The following CFAP299 variants were observed in gnomAD, a reference collection of about 807,000 sequenced individuals.
CFAP299 encodes the protein cilia- and flagella-associated protein 299.
CFAP299 carries 21 observed loss-of-function variants against 27.0 expected under a neutral mutation model. That is an observed-to-expected ratio of 0.78 (90% confidence interval 0.55 to 1.12). The LOEUF is 1.12. CFAP299 is among the 50% of genes most tolerant of loss of function. The pLI, the probability that CFAP299 is intolerant of heterozygous loss-of-function variation, is 0.00. For missense variants in CFAP299, 310 were observed against 276.6 expected, an observed-to-expected ratio of 1.12 and a Z score of -0.86; for synonymous variants, 104 against 98.1, an observed-to-expected ratio of 1.06 and a Z score of -0.36.
At chr4:80,846,875 C>T (rs1214605616) in intron 3 of CFAP299, among the ~76,000 whole-genome samples, 3 of 152,104 alleles carry the variant, frequency 2.0e-5, no homozygotes, top group Middle Eastern at 3.2e-3. Flanking sequence ...CCTATCTGCC[C>T]GCTACTGAGA....
At chr4:80,799,376 A>G (rs1477733923) in intron 3 of CFAP299, among the ~76,000 whole-genome samples, 4 of 94,920 alleles carry the variant, frequency 4.2e-5, no homozygotes, top group African/African-American at 1.8e-4. Flanking sequence ...TTATATATAT[A>G]AATGTATTTA....
chr4:80,605,701 CT>C (rs1452948182), intron 3 of CFAP299, among the ~76,000 whole-genome samples: 1 of 152,064 alleles, frequency 6.6e-6, no homozygotes, highest in Non-Finnish European at 1.5e-5. Flanking sequence ...GTCATGGTAG[CT>C]TTTGTTCTTT....
In CFAP299 at chr4:80,339,320, T is replaced by G. The variant is rs916962531; in HGVS notation, c.111+3441T>G. Among the ~76,000 whole-genome samples the G allele has an allele frequency of 3.9e-5, 6 of 152,366 alleles. No homozygotes were observed. In the East Asian group the frequency reaches 1.2e-3, roughly 29 times the overall value. On this transcript the variant is annotated intron_variant, in intron 1 of 5. Transcript: ENST00000358105. ...CGTATCTTTGTAAATAGTGCTTTTATTCTTTTTGGTCGTGAGTTTGCCAAC... is the reference window on the plus strand; with the variant it reads ...CGTATCTTTGTAAATAGTGCTTTTAGTCTTTTTGGTCGTGAGTTTGCCAAC...
chr4:80,427,965 T>C (rs549974437), intron 2 of CFAP299, among the ~76,000 whole-genome samples: 1 of 152,314 alleles, frequency 6.6e-6, no homozygotes, highest in East Asian at 1.9e-4. Context: ...TTAGATACAG[T>C]GAAAAACAAA....
chr4:80,899,675 C>T (rs1734787809), intron 4 of CFAP299, among the ~76,000 whole-genome samples: 1 of 152,158 alleles, frequency 6.6e-6, no homozygotes, highest in Non-Finnish European at 1.5e-5. Context: ...AGAAGTCTGA[C>T]AAGAGCAGCC....
chr4:80,963,471 A>C lies in CFAP299; in HGVS notation c.607-46A>C, dbSNP rs778507816. ...TAAAAAAAAAATTTTAAAAAAGGCC[A>C]AGTATTTTTATAGACTTGACTAACA... On this transcript the variant is annotated intron_variant, in intron 5 of 5. Transcript: ENST00000358105. The C allele has an allele frequency of 3.0e-6, 4 of 1,331,114 alleles. No homozygotes were observed. The East Asian group carries it at 9.6e-5, about 32-fold the overall frequency. 82.5% of individuals were successfully genotyped at this position (1,331,114 alleles called of 1,614,324 possible).
intron 3 of CFAP299, among the ~76,000 whole-genome samples, chr4:80,791,015 C>G (rs945263871): frequency 6.6e-6 from 1 of 151,988 alleles, no homozygotes; most frequent in Non-Finnish European, 1.5e-5. Context: ...TAATGCCAAT[C>G]ATACATTTTC....
At chr4:80,471,601 T>C (rs1369790635) in intron 2 of CFAP299, among the ~76,000 whole-genome samples, 2 of 12,692 alleles carry the variant, frequency 1.6e-4, no homozygotes, top group African/African-American at 6.3e-4. Flanking sequence ...AGCAGGGGGG[T>C]TGGGGGGAGC....
chr4:80,928,308 T>A (rs570677247), intron 4 of CFAP299, among the ~76,000 whole-genome samples: 1 of 151,998 alleles, frequency 6.6e-6, no homozygotes, highest in Non-Finnish European at 1.5e-5. Context: ...AAACCTATAC[T>A]CCTGAATTTT....
chr4:80,872,787 T>C lies in CFAP299; in HGVS notation c.476+2652T>C, dbSNP rs1014202189. ...TCTGTGAAGTACCTATTAAGATTTT[T>C]CCCTGTTATTTCAAGTGAGCTATTC... On this transcript the variant is annotated intron_variant, in intron 4 of 5. Transcript: ENST00000358105. The C allele has an allele frequency of 9.3e-5, 51 of 546,962 alleles. No individual in the cohort carries two copies. In the African/African-American group the frequency reaches 1.1e-3, roughly 11 times the overall value. The allele number at this position is 546,962 out of a possible 1,614,324, so 33.9% of individuals were successfully genotyped here. A position where few individuals can be genotyped will look rare whatever the true frequency, so the allele number is the denominator to read the frequency against.
At chr4:80,828,750 T>G (rs536292276) in intron 3 of CFAP299, among the ~76,000 whole-genome samples, 1 of 152,158 alleles carries the variant, frequency 6.6e-6, no homozygotes, top group East Asian at 1.9e-4. Context: ...ATGAGCCAAT[T>G]AAACATCTTT....
At chr4:80,741,410 G>A (rs1724262421) in intron 3 of CFAP299, among the ~76,000 whole-genome samples, 1 of 152,034 alleles carries the variant, frequency 6.6e-6, no homozygotes, top group African/African-American at 2.4e-5. Context: ...GATGAATGCT[G>A]CAAGGACTGA....
At chr4:80,902,324 G>T (rs1734941609) in intron 4 of CFAP299, among the ~76,000 whole-genome samples, 1 of 146,042 alleles carries the variant, frequency 6.8e-6, no homozygotes, top group Non-Finnish European at 1.5e-5. Flanking sequence ...TATATATATG[G>T]ATTATTATTT....
chr4:80,518,175 G>C (rs928209557), intron 2 of CFAP299, among the ~76,000 whole-genome samples: 4 of 152,054 alleles, frequency 2.6e-5, no homozygotes, highest in African/African-American at 9.7e-5. Flanking sequence ...GGACTTTGAA[G>C]ACATACAAGA....
intron 5 of CFAP299, among the ~76,000 whole-genome samples, chr4:80,959,978 A>G (rs879630583): frequency 1.3e-5 from 2 of 151,962 alleles, no homozygotes. Context: ...TTAGCTCTTT[A>G]TATGTGAGGA....
In CFAP299 at chr4:80,937,312, C is replaced by CTTTTTTTT. The variant is rs70956081; in HGVS notation, c.477-7483_477-7476dup. Reference sequence around the variant, plus strand: ...TTTTCTTTTTTCTTTTTTTTTCTTTCTTTTTTTTTTTTTTTTTTTTTTGAG... The same window carrying CTTTTTTTT: ...TTTTCTTTTTTCTTTTTTTTTCTTTCTTTTTTTTTTTTTTTTTTTTTTTTTTTTTTGAG... On this transcript the variant is annotated intron_variant, in intron 4 of 5. Coordinates refer to ENST00000358105, the MANE Select transcript of CFAP299 (RefSeq NM_152770.3). 5.7e-3 allele frequency among the ~76,000 whole-genome samples: 394 copies of CTTTTTTTT among 68,622 alleles called. 48 individuals carry two copies. Among genetic ancestry groups the CTTTTTTTT allele is most frequent in the African/African-American group, 0.021 (326 of 15,236 alleles). The allele number at this position is 68,622 out of a possible 152,430, so 45.0% of individuals were successfully genotyped here.
Position 80,387,476 on chromosome 4 carries a change from T to G in CFAP299, c.242+24592T>G. The G allele has an allele frequency of 1.2e-5, 10 of 814,140 alleles. No individual in the cohort carries two copies. The South Asian group carries it at 1.5e-4, about 12-fold the overall frequency. The allele number at this position is 814,140 out of a possible 1,614,324, so 50.4% of individuals were successfully genotyped here. On this transcript the variant is annotated intron_variant, in intron 2 of 5. Coordinates refer to ENST00000358105, the MANE Select transcript of CFAP299 (RefSeq NM_152770.3). ...CTGCTTGGGTTTCCGGCTTGCCCCTTGCTATCGCTGGCTGTGGGCCAGGCC... is the reference window on the plus strand; with the variant it reads ...CTGCTTGGGTTTCCGGCTTGCCCCTGGCTATCGCTGGCTGTGGGCCAGGCC...
chr4:80,792,532 C>A (rs1434868414), intron 3 of CFAP299, among the ~76,000 whole-genome samples: 1 of 152,040 alleles, frequency 6.6e-6, no homozygotes, highest in Admixed American at 6.6e-5. Flanking sequence ...GCTGTCATTA[C>A]AGTAATGGTA....
chr4:80,910,897 G>A (rs1735436457), intron 4 of CFAP299, among the ~76,000 whole-genome samples: 1 of 151,892 alleles, frequency 6.6e-6, no homozygotes, highest in Non-Finnish European at 1.5e-5. Flanking sequence ...CAAGATTTTT[G>A]CTTTCCTCTG....
Sources: allele counts gnomAD v4.1 joint callset (sites outside exome capture counted in the v4.1 genomes callset), GRCh38; gene constraint gnomAD v4.1.1; transcripts MANE v1.5; gene names NCBI Gene and HGNC (gene_info 2026-07-23, HGNC 2026-07-21).